Variants in ADAMTS13 observed in about 807,000 individuals in gnomAD.
ADAMTS13 encodes A disintegrin and metalloproteinase with thrombospondin motifs 13.
A neutral mutation model predicts 155.1 loss-of-function variants in ADAMTS13; 110 were observed. That is an observed-to-expected ratio of 0.71 (90% CI 0.61 to 0.83). The LOEUF is 0.83. Ranked by LOEUF, ADAMTS13 falls within the 40% of genes least tolerant of loss-of-function variation. ADAMTS13 has a pLI of 0.00. For synonymous variants in ADAMTS13, 758 were observed against 756.4 expected (o/e 1.00, Z -0.03); for missense variants, 1,707 against 1,891.7 (o/e 0.90, Z 1.81).
rs894003622 is a variant in ADAMTS13 at position 133,443,706 on chromosome 9, G to A, written c.2420+145G>A. On this transcript the variant is annotated intron_variant, in intron 19 of 28. Transcript: ENST00000355699. ...CCAGGGTGATGGGCAGTGTCACCTGGCGGTTGTAAGTGCTGCTGTCAGAGT... is the reference window on the plus strand; with the variant it reads ...CCAGGGTGATGGGCAGTGTCACCTGACGGTTGTAAGTGCTGCTGTCAGAGT... The A allele has an allele frequency of 2.5e-5, 23 of 911,454 alleles. No individual in the cohort carries two copies. In the East Asian group the frequency reaches 6.4e-4, roughly 25 times the overall value. The allele number at this position is 911,454 out of a possible 1,614,324, so 56.5% of individuals were successfully genotyped here. A position where few individuals can be genotyped will look rare whatever the true frequency, so the allele number is the denominator to read the frequency against.
Position 133,456,296 on chromosome 9 carries a change from G to T in ADAMTS13, c.3547+81G>T, listed in dbSNP as rs1842739191. 6.2e-7 allele frequency: 1 copy of T among 1,600,788 alleles called. No homozygotes were observed. The highest frequency in any genetic ancestry group is 8.5e-7 in the Non-Finnish European group (1 of 1,173,942). On this transcript the variant is annotated intron_variant, in intron 26 of 28. Coordinates refer to ENST00000355699, the MANE Select transcript of ADAMTS13 (RefSeq NM_139027.6). This position sits in a 1 kb window ranked among gnomAD's most constrained non-coding sequence, Gnocchi z 4.4. Reference sequence around the variant, plus strand: ...GCACGACGCTGCATGCCCCATTCCTGGCAGGAGCCCATGTGCATTCCCACC... The same window carrying T: ...GCACGACGCTGCATGCCCCATTCCTTGCAGGAGCCCATGTGCATTCCCACC...
intron 8 of ADAMTS13, 31 bp downstream of exon 8, chr9:133,430,132 C>G: frequency 6.4e-7 from 1 of 1,558,884 alleles, no homozygotes; most frequent in Non-Finnish European, 8.6e-7. Context: ...CTGGGATTGG[C>G]TGTGAGGTCC....
exon 1 of ADAMTS13, chr9:133,414,501 C>G (rs782523646): frequency 1.3e-6 from 1 of 741,148 alleles, no homozygotes; most frequent in South Asian, 1.5e-5. Context: ...TTATCATGCG[C>G]ACACTCTAGG....
At position 133,438,230 on chromosome 9, in the gene ADAMTS13, C is replaced by T. The variant is rs1156752379; in HGVS notation, c.1585-16C>T. ...CCCTCCAGTGACACGGGCCCTCTGTCCTTCCCTTTGCATAGACATTTGGCT... is the reference window on the plus strand; with the variant it reads ...CCCTCCAGTGACACGGGCCCTCTGTTCTTCCCTTTGCATAGACATTTGGCT... On this transcript the variant is annotated splice_polypyrimidine_tract_variant and intron_variant, in intron 13 of 28. Transcript: ENST00000355699. 1.2e-6 allele frequency: 2 copies of T among 1,614,024 alleles called. No homozygotes were observed. Among genetic ancestry groups the T allele is most frequent in the Admixed American group, 1.7e-5 (1 of 59,998 alleles).
chr9:133,439,672 A>G (rs1403511014), intron 15 of ADAMTS13, among the ~76,000 whole-genome samples: 4 of 152,218 alleles, frequency 2.6e-5, no homozygotes, highest in Non-Finnish European at 5.9e-5. Flanking sequence ...CCAAGGGAAG[A>G]GATGTAGGCA....
intron 22 of ADAMTS13, 125 bp downstream of exon 22, chr9:133,448,853 T>C (rs1448135558): frequency 2.8e-6 from 4 of 1,443,326 alleles, no homozygotes; most frequent in South Asian, 1.2e-5. Flanking sequence ...TGTGTGAGGC[T>C]GGACCATGGC....
At position 133,425,903 on chromosome 9, in the gene ADAMTS13, G is replaced by A; in HGVS notation, c.415-35G>A. On this transcript the variant is annotated intron_variant, in intron 4 of 28. Transcript: ENST00000355699. The surrounding 1 kb of genome is among the most constrained non-coding windows in gnomAD (Gnocchi z 4.6). Reference sequence around the variant, plus strand: ...GCAGTCAGCACCGTGCCTGGTTGGGGTGTCCTAAATGCAGGCTTTGCTGTG... The same window carrying A: ...GCAGTCAGCACCGTGCCTGGTTGGGATGTCCTAAATGCAGGCTTTGCTGTG... The A allele has an allele frequency of 6.2e-7, 1 of 1,612,272 alleles. No homozygotes were observed. Among genetic ancestry groups the A allele is most frequent in the Non-Finnish European group, 8.5e-7 (1 of 1,179,948 alleles).
chr9:133,416,911 CGTAA>C (rs1839652436), intron 1 of ADAMTS13, among the ~76,000 whole-genome samples: 2 of 152,200 alleles, frequency 1.3e-5, no homozygotes, highest in African/African-American at 2.4e-5. Flanking sequence ...ACTTCAAGAC[CGTAA>C]GTGTCGCTAG....
chr9:133,445,345 G>T lies in ADAMTS13; in HGVS notation c.2610+293G>T, dbSNP rs1023911482. Among the ~76,000 whole-genome samples, 3 of 152,186 alleles carry T rather than the reference G, an allele frequency of 2.0e-5. No homozygotes were observed. Among genetic ancestry groups the T allele is most frequent in the Admixed American group, 6.5e-5 (1 of 15,286 alleles). On this transcript the variant is annotated intron_variant, in intron 20 of 28. Coordinates refer to ENST00000355699, the MANE Select transcript of ADAMTS13 (RefSeq NM_139027.6). The surrounding 1 kb of genome is among the most constrained non-coding windows in gnomAD (Gnocchi z 5.0). The stretch of plus-strand genomic sequence containing the variant: ...CCAGGCTCCCGCCTGGCGTCCAGGG[G>T]CTGGAGGCTGACTGGCCTTGCTCTC...
At chr9:133,422,167 C>T (rs1357312793), upstream of ADAMTS13, 14 of 545,310 alleles carry the variant, frequency 2.6e-5, 1 homozygote, top group Admixed American at 2.5e-4. Flanking sequence ...AGGGGGTGGG[C>T]GTGCACATCC....
rs1842677912 is a variant in ADAMTS13 at position 133,455,396 on chromosome 9, A to G, written c.3361A>G (p.Thr1121Ala). The change falls in exon 25 of 29, where the codon ACT becomes GCT. Residue 1121 changes from threonine (T) to alanine (A), a missense_variant. Thr to Ala is a moderately conservative substitution (Grantham distance 58). This residue lies in a region of ADAMTS13 where 961 missense variants were observed against 1,107.9 expected (regional missense o/e 0.87). Coordinates refer to ENST00000355699, the MANE Select transcript of ADAMTS13 (RefSeq NM_139027.6). ...DFCQHLPKPV[T>A]VRGCWAGPCV... ...CTGCCAGCACTTGCCCAAGCCGGTG[A>G]CTGTGCGTGGCTGCTGGGCTGGGCC... The G allele has an allele frequency of 6.2e-7, 1 of 1,612,722 alleles. No individual in the cohort carries two copies. Among genetic ancestry groups the G allele is most frequent in the Non-Finnish European group, 8.5e-7 (1 of 1,179,932 alleles).
At chr9:133,436,429 C>T (rs1183861201) in intron 11 of ADAMTS13, among the ~76,000 whole-genome samples, 2 of 152,106 alleles carry the variant, frequency 1.3e-5, no homozygotes, top group African/African-American at 4.8e-5. Context: ...CATAAAAGTC[C>T]AAGACGCCTG....
At chr9:133,446,091 G>T (rs1842050371) in intron 21 of ADAMTS13, among the ~76,000 whole-genome samples, 1 of 152,182 alleles carries the variant, frequency 6.6e-6, no homozygotes. Context: ...CGGCCGGGGG[G>T]TCCCCAATTG....
intron 7 of ADAMTS13, 22 bp from the exon 8 acceptor site, chr9:133,429,917 C>A: frequency 6.5e-7 from 1 of 1,534,404 alleles, no homozygotes; most frequent in Middle Eastern, 1.7e-4. Flanking sequence ...CTGAGCCGGG[C>A]CTGAGCCGGG....
chr9:133,450,086 C>G lies in ADAMTS13; in HGVS notation c.3044+121C>G, dbSNP rs75863032. On this transcript the variant is annotated intron_variant, in intron 23 of 28. Transcript: ENST00000355699. Reference sequence around the variant, plus strand: ...GCTGAATCAGGAGAACCACTTGAGTCCAGGAGTGCAAGTCCAACCTGGGCA... The same window carrying G: ...GCTGAATCAGGAGAACCACTTGAGTGCAGGAGTGCAAGTCCAACCTGGGCA... 1,280 of 1,242,870 alleles carry G rather than the reference C, an allele frequency of 1.0e-3. 13 individuals are homozygous for G. In the African/African-American group the frequency reaches 0.015, roughly 15 times the overall value. The allele number at this position is 1,242,870 out of a possible 1,614,324, so 77.0% of individuals were successfully genotyped here.
At chr9:133,414,807 C>G (rs370869145) in intron 1 of ADAMTS13, 16 of 1,614,234 alleles carry the variant, frequency 9.9e-6, no homozygotes, top group Admixed American at 1.7e-5. Flanking sequence ...GTGCGAGGTA[C>G]TGGCGCCCTC....
In ADAMTS13 at chr9:133,445,201, G is replaced by A; in HGVS notation, c.2610+149G>A. 1.0e-6 allele frequency: 1 copy of A among 979,510 alleles called. No homozygotes were observed. Among genetic ancestry groups the A allele is most frequent in the Non-Finnish European group, 1.5e-6 (1 of 668,926 alleles). The allele number at this position is 979,510 out of a possible 1,614,324, so 60.7% of individuals were successfully genotyped here. ...GCTGTCTGAGGGCCACCCCTGCTCA[G>A]AAAAGAAGCTTAGAAAGAGGGCTCA... On this transcript the variant is annotated intron_variant, in intron 20 of 28. Coordinates refer to ENST00000355699, the MANE Select transcript of ADAMTS13 (RefSeq NM_139027.6). This position sits in a 1 kb window ranked among gnomAD's most constrained non-coding sequence, Gnocchi z 5.0.
At chr9:133,455,101 A>G (rs1043936190) in intron 24 of ADAMTS13, among the ~76,000 whole-genome samples, 184 bp from the exon 25 acceptor site, 1 of 152,048 alleles carries the variant, frequency 6.6e-6, no homozygotes, top group Admixed American at 6.5e-5. Flanking sequence ...GGCTCCTCCC[A>G]CCTATATGAC....
chr9:133,431,232 T>A (rs587745626), intron 8 of ADAMTS13, among the ~76,000 whole-genome samples: 231 of 152,274 alleles, frequency 1.5e-3, no homozygotes, highest in African/African-American at 5.4e-3. Flanking sequence ...CCCAAAGCAC[T>A]GGGATTACAG....
Sources: gnomAD v4.1 joint callset for allele counts (sites outside exome capture counted in the v4.1 genomes callset) on GRCh38, gnomAD v4.1.1 for gene constraint, gnomAD v4.1.1 regional missense constraint, Gnocchi (gnomAD v3.1) non-coding constraint, MANE v1.5 for transcripts, NCBI Gene and HGNC (gene_info 2026-07-23, HGNC 2026-07-21) for gene names.